Variants in ARSB observed in about 807,000 individuals in gnomAD.
ARSB encodes arylsulfatase B.
ARSB carries 41 observed loss-of-function variants against 50.9 expected under a neutral mutation model. The observed-to-expected ratio is 0.81, with a 90% CI of 0.63 to 1.04. The LOEUF (loss-of-function observed/expected upper bound fraction) is 1.04, where lower values mean the gene tolerates loss of function less well. ARSB is among the 50% of genes least tolerant of loss of function. The probability of loss-of-function intolerance (pLI) is 0.00; values close to 1 mark genes in which losing one functional copy is unlikely to be tolerated. For missense variants in ARSB, 672 were observed against 693.3 expected, an observed-to-expected ratio of 0.97 and a Z score of 0.35; for synonymous variants, 269 against 284.8, an observed-to-expected ratio of 0.94 and a Z score of 0.56.
chr5:78,926,803 T>TA (rs1750074578), intron 4 of ARSB, among the ~76,000 whole-genome samples: 3 of 152,222 alleles, frequency 2.0e-5, no homozygotes, highest in Admixed American at 2.0e-4. Context: ...CAGCACTGTC[T>TA]AATGGAAACA....
intron 6 of ARSB, among the ~76,000 whole-genome samples, chr5:78,804,122 T>C (rs575688860): frequency 1.3e-5 from 2 of 151,778 alleles, no homozygotes; most frequent in African/African-American, 4.8e-5. Context: ...ACAGGCACAG[T>C]GAGACTCTTG....
intron 6 of ARSB, among the ~76,000 whole-genome samples, chr5:78,826,569 C>A (rs920996186): frequency 1.3e-5 from 2 of 152,110 alleles, no homozygotes; most frequent in African/African-American, 4.8e-5. Flanking sequence ...TACACAGTGC[C>A]TAGAACACAG....
intron 4 of ARSB, among the ~76,000 whole-genome samples, chr5:78,948,138 G>C (rs1751330366): frequency 6.6e-6 from 1 of 152,136 alleles, no homozygotes; most frequent in African/African-American, 2.4e-5. Context: ...GGCTGGAAAG[G>C]GTAGTGGGGT....
intron 7 of ARSB, 118 bp downstream of exon 7, chr5:78,781,734 A>T: frequency 6.9e-7 from 1 of 1,458,580 alleles, no homozygotes; most frequent in Non-Finnish European, 9.6e-7. Context: ...CTCTTTCCAG[A>T]GAAATGGCCG....
chr5:78,788,641 A>G (rs942341502), intron 6 of ARSB, among the ~76,000 whole-genome samples: 2 of 152,154 alleles, frequency 1.3e-5, no homozygotes, highest in African/African-American at 4.8e-5. Flanking sequence ...TGCTCAGGCT[A>G]AAATACAGTG....
rs1580144256 is a variant in ARSB at position 78,969,340 on chromosome 5, G to A, written c.313-148C>T. 3.5e-6 allele frequency: 3 copies of A among 846,974 alleles called. No individual in the cohort carries two copies. In the East Asian group the frequency reaches 7.9e-5, roughly 22 times the overall value. The allele number at this position is 846,974 out of a possible 1,614,324, so 52.5% of individuals were successfully genotyped here. A position where few individuals can be genotyped will look rare whatever the true frequency, so the allele number is the denominator to read the frequency against. On this transcript the variant is annotated intron_variant, in intron 1 of 7. Coordinates refer to ENST00000264914, the MANE Select transcript of ARSB (RefSeq NM_000046.5). ...ACTGGCTTGAGGATATTTCTGAAAG[G>A]CAGAATTCTCTTATTCAAATGAAGT...
chr5:78,930,409 A>G (rs1444188143), intron 4 of ARSB, among the ~76,000 whole-genome samples: 1 of 151,548 alleles, frequency 6.6e-6, no homozygotes, highest in Non-Finnish European at 1.5e-5. Flanking sequence ...GATATTGACA[A>G]GAAAGTGTTC....
chr5:78,911,404 T>C lies in ARSB; in HGVS notation c.899-25577A>G, dbSNP rs548618450. 4.0e-5 allele frequency among the ~76,000 whole-genome samples: 6 copies of C among 151,398 alleles called. No individual in the cohort carries two copies. The South Asian group carries it at 1.3e-3, about 32-fold the overall frequency. ...GCCTGGCCAACATGGTGAAACCCCG[T>C]CTCTACTAAAAATACAAAAATTAGC... On this transcript the variant is annotated intron_variant, in intron 4 of 7. Coordinates refer to ENST00000264914, the MANE Select transcript of ARSB (RefSeq NM_000046.5).
At chr5:78,850,747 G>A (rs1283240137) in intron 5 of ARSB, among the ~76,000 whole-genome samples, 7 of 152,124 alleles carry the variant, frequency 4.6e-5, no homozygotes, top group Non-Finnish European at 8.8e-5. Flanking sequence ...GCCTGTTATT[G>A]GTCTATTCAG....
At chr5:78,832,125 T>C (rs2112697863) in intron 6 of ARSB, among the ~76,000 whole-genome samples, 1 of 151,584 alleles carries the variant, frequency 6.6e-6, no homozygotes, top group East Asian at 2.0e-4. Flanking sequence ...CAGCAAGAGC[T>C]CACCGTCCTG....
chr5:78,968,684 A>T (rs1752316468), intron 2 of ARSB, among the ~76,000 whole-genome samples: 1 of 152,120 alleles, frequency 6.6e-6, no homozygotes, highest in Non-Finnish European at 1.5e-5. Flanking sequence ...GCCAGGCATT[A>T]AAAAAATAAA....
At chr5:78,908,557 G>A (rs1225419450) in intron 4 of ARSB, among the ~76,000 whole-genome samples, 1 of 152,058 alleles carries the variant, frequency 6.6e-6, no homozygotes, top group African/African-American at 2.4e-5. Flanking sequence ...GGCTCTGTGC[G>A]GGCAGCCTGG....
chr5:78,944,184 CT>C (rs1337423476), intron 4 of ARSB, among the ~76,000 whole-genome samples: 1 of 152,138 alleles, frequency 6.6e-6, no homozygotes, highest in African/African-American at 2.4e-5. Context: ...TTCATCTAAT[CT>C]TTTTTCAAGG....
rs540349975 is a variant in ARSB, at chr5:78,893,065, C to CAGATTCCCCCAT, written c.899-7250_899-7239dup. Among the ~76,000 whole-genome samples, 883 of 152,298 alleles carry CAGATTCCCCCAT rather than the reference C, an allele frequency of 5.8e-3. 4 individuals are homozygous for CAGATTCCCCCAT. Among genetic ancestry groups the CAGATTCCCCCAT allele is most frequent in the Non-Finnish European group, 7.2e-3 (489 of 68,020 alleles). The stretch of plus-strand genomic sequence containing the variant: ...GTGGGAGATAATTGAATCACAGGGG[C>CAGATTCCCCCAT]AGATTCCCCCATACTGTTCTCGTGG... On this transcript the variant is annotated intron_variant, in intron 4 of 7. Coordinates refer to ENST00000264914, the MANE Select transcript of ARSB (RefSeq NM_000046.5).
At chr5:78,940,536 T>C (rs1376671719) in intron 4 of ARSB, among the ~76,000 whole-genome samples, 2 of 152,228 alleles carry the variant, frequency 1.3e-5, no homozygotes, top group South Asian at 2.1e-4. Flanking sequence ...ATTTATTAAA[T>C]AGGGAATCCT....
chr5:78,797,410 G>C (rs1743226563), intron 6 of ARSB, among the ~76,000 whole-genome samples: 3 of 152,070 alleles, frequency 2.0e-5, no homozygotes, highest in Non-Finnish European at 4.4e-5. Flanking sequence ...CTGTTGTTTT[G>C]TGTATCCAAC....
intron 6 of ARSB, among the ~76,000 whole-genome samples, chr5:78,831,900 T>G (rs1744710804): frequency 6.6e-6 from 1 of 152,126 alleles, no homozygotes; most frequent in Non-Finnish European, 1.5e-5. Context: ...GAAATAAAAA[T>G]GCCTTGAAAA....
At chr5:78,969,666 G>A (rs538266422) in intron 1 of ARSB, among the ~76,000 whole-genome samples, 2 of 152,252 alleles carry the variant, frequency 1.3e-5, no homozygotes, top group Admixed American at 6.5e-5. Flanking sequence ...GCCCAGGCTG[G>A]AGTGCAATGG....
intron 4 of ARSB, among the ~76,000 whole-genome samples, chr5:78,939,001 C>T (rs1317499336): frequency 2.6e-5 from 4 of 152,346 alleles, no homozygotes; most frequent in East Asian, 3.8e-4. Context: ...AAACTTCACC[C>T]TCAAGTCACT....
Sources: allele counts gnomAD v4.1 joint callset (sites outside exome capture counted in the v4.1 genomes callset), GRCh38; gene constraint gnomAD v4.1.1; transcripts MANE v1.5; gene names NCBI Gene and HGNC (gene_info 2026-07-23, HGNC 2026-07-21).